The following SRPK2 variants were observed in gnomAD, a reference collection of about 807,000 sequenced individuals.
The protein encoded by SRPK2 is SRSF protein kinase 2.
A neutral mutation model predicts 90.8 loss-of-function variants in SRPK2; 21 were observed. That is an observed-to-expected ratio of 0.23 (90% CI 0.16 to 0.33). SRPK2 has a LOEUF of 0.33. SRPK2 is among the 10% of genes least tolerant of loss of function. The probability of loss-of-function intolerance (pLI) is 1.00; values close to 1 mark genes in which losing one functional copy is unlikely to be tolerated. For synonymous variants in SRPK2, 288 were observed against 311.1 expected (o/e 0.93, Z 0.78); for missense variants, 620 against 869.0 (o/e 0.71, Z 3.60).
intron 2 of SRPK2, among the ~76,000 whole-genome samples, chr7:105,205,249 T>C (rs1796049009): frequency 6.6e-6 from 1 of 151,984 alleles, no homozygotes; most frequent in African/African-American, 2.4e-5. Flanking sequence ...ACACCTGACA[T>C]CATGAGGAAG....
chr7:105,172,571 G>A (rs1267028405), intron 3 of SRPK2, among the ~76,000 whole-genome samples: 1 of 152,138 alleles, frequency 6.6e-6, no homozygotes, highest in Admixed American at 6.5e-5. Flanking sequence ...AGGAAAGACT[G>A]ATCTACCATA....
intron 2 of SRPK2, among the ~76,000 whole-genome samples, chr7:105,266,919 A>G (rs961096151): frequency 1.3e-5 from 2 of 152,194 alleles, no homozygotes; most frequent in African/African-American, 2.4e-5. Flanking sequence ...TTGTTGTAAT[A>G]TATCTACATT....
upstream of SRPK2, among the ~76,000 whole-genome samples, chr7:105,391,367 G>A (rs1213429248): frequency 6.6e-6 from 1 of 152,090 alleles, no homozygotes; most frequent in African/African-American, 2.4e-5. Flanking sequence ...TACCACGCCT[G>A]GCTAATTTTG....
At chr7:105,137,288 C>T (rs1802988259) in intron 11 of SRPK2, among the ~76,000 whole-genome samples, 1 of 152,168 alleles carries the variant, frequency 6.6e-6, no homozygotes, top group Non-Finnish European at 1.5e-5. Context: ...CCAGGGAACA[C>T]ACTGGAGAGT....
At chr7:105,120,500 G>A (rs1046394359) in intron 15 of SRPK2, among the ~76,000 whole-genome samples, 4 of 152,072 alleles carry the variant, frequency 2.6e-5, no homozygotes, top group East Asian at 1.9e-4. Flanking sequence ...AAAAATATTC[G>A]CAAGGAGCAG....
chr7:105,243,845 G>A (rs1801187431), intron 2 of SRPK2, among the ~76,000 whole-genome samples: 1 of 152,134 alleles, frequency 6.6e-6, no homozygotes, highest in Admixed American at 6.6e-5. Flanking sequence ...CGTGAGAAGT[G>A]GAATGAACAA....
chr7:105,391,773 A>G (rs907610141), upstream of SRPK2, among the ~76,000 whole-genome samples: 2 of 152,226 alleles, frequency 1.3e-5, no homozygotes, highest in Non-Finnish European at 2.9e-5. Flanking sequence ...GTGGGAATGT[A>G]AAATGGTGCA....
At chr7:105,215,819 G>A (rs952742322) in intron 2 of SRPK2, among the ~76,000 whole-genome samples, 6 of 152,254 alleles carry the variant, frequency 3.9e-5, no homozygotes, top group East Asian at 1.9e-4. Context: ...CAGTAACAGC[G>A]TAAGGCTGGA....
intron 2 of SRPK2, among the ~76,000 whole-genome samples, chr7:105,353,335 G>T (rs562929689): frequency 6.6e-6 from 1 of 152,006 alleles, no homozygotes; most frequent in African/African-American, 2.4e-5. Flanking sequence ...CCAGGTAATG[G>T]TTTTGTTTTT....
At chr7:105,324,040 G>C (rs750943730) in intron 2 of SRPK2, among the ~76,000 whole-genome samples, 1 of 148,758 alleles carries the variant, frequency 6.7e-6, no homozygotes, top group Non-Finnish European at 1.5e-5. Flanking sequence ...ATTGTCGCCC[G>C]GGCTGGAGTG....
chr7:105,383,133 C>T (rs1206482056), intron 2 of SRPK2, among the ~76,000 whole-genome samples: 2 of 130,280 alleles, frequency 1.5e-5, no homozygotes, highest in Non-Finnish European at 1.5e-5. Context: ...GGCACAATCT[C>T]GGTTCACTGC....
chr7:105,336,046 ATGTT>A (rs1439163396), intron 2 of SRPK2, among the ~76,000 whole-genome samples: 9 of 152,192 alleles, frequency 5.9e-5, no homozygotes, highest in Admixed American at 5.2e-4. Flanking sequence ...AAAGCACAAA[ATGTT>A]TATTTATGAA....
At chr7:105,374,861 C>A (rs1341122052) in intron 2 of SRPK2, among the ~76,000 whole-genome samples, 1 of 152,180 alleles carries the variant, frequency 6.6e-6, no homozygotes, top group Non-Finnish European at 1.5e-5. Flanking sequence ...CCCGCCTCGG[C>A]CTCCCAAACT....
At chr7:105,376,243 C>T (rs1420884493) in intron 2 of SRPK2, among the ~76,000 whole-genome samples, 2 of 151,748 alleles carry the variant, frequency 1.3e-5, no homozygotes, top group African/African-American at 2.4e-5. Flanking sequence ...GTGATCCGCC[C>T]GCCTTGGCCT....
At chr7:105,253,846 G>A (rs1250259934) in intron 2 of SRPK2, among the ~76,000 whole-genome samples, 1 of 152,060 alleles carries the variant, frequency 6.6e-6, no homozygotes, top group African/African-American at 2.4e-5. Context: ...TGAGGCCATG[G>A]TTGAAAAGGT....
intron 2 of SRPK2, among the ~76,000 whole-genome samples, chr7:105,340,880 C>T (rs1815689315): frequency 6.6e-6 from 1 of 152,072 alleles, no homozygotes; most frequent in Admixed American, 6.6e-5. Context: ...GCATAAAAGG[C>T]TGCAATAAAG....
chr7:105,251,573 C>T (rs945902049), intron 2 of SRPK2, among the ~76,000 whole-genome samples: 4 of 152,116 alleles, frequency 2.6e-5, no homozygotes, highest in African/African-American at 9.7e-5. Context: ...AAGCTTAATC[C>T]CACAAGGCTT....
intron 2 of SRPK2, among the ~76,000 whole-genome samples, chr7:105,246,379 G>A (rs141921384): frequency 6.6e-6 from 1 of 152,318 alleles, no homozygotes; most frequent in Non-Finnish European, 1.5e-5. Context: ...GATTAGACAA[G>A]ATAATGAGTT....
At chr7:105,307,955 C>T (rs957471279) in intron 2 of SRPK2, among the ~76,000 whole-genome samples, 5 of 152,122 alleles carry the variant, frequency 3.3e-5, no homozygotes, top group African/African-American at 1.2e-4. Context: ...CATCATGTAT[C>T]TCCTAAGATT....
Sources: allele counts gnomAD v4.1 joint callset (sites outside exome capture counted in the v4.1 genomes callset), GRCh38; gene constraint gnomAD v4.1.1; transcripts MANE v1.5; gene names NCBI Gene and HGNC (gene_info 2026-07-23, HGNC 2026-07-21).